TAOK3: variants seen among roughly 807,000 people sequenced by gnomAD.
TAOK3 encodes serine/threonine-protein kinase TAO3.
TAOK3 carries 40 observed loss-of-function variants against 120.4 expected under a neutral mutation model. The observed-to-expected ratio is 0.33, with a 90% CI of 0.26 to 0.43. The LOEUF (loss-of-function observed/expected upper bound fraction) is 0.43, where lower values mean the gene tolerates loss of function less well. Among genes scored for constraint, TAOK3 ranks in the 20% least tolerant of loss-of-function variants. The probability of loss-of-function intolerance (pLI) is 1.00; values close to 1 mark genes in which losing one functional copy is unlikely to be tolerated. For synonymous variants in TAOK3, 355 were observed against 387.5 expected, an observed-to-expected ratio of 0.92 and a Z score of 0.99; for missense variants, 821 against 1,112.1, an observed-to-expected ratio of 0.74 and a Z score of 3.72.
At chr12:118,238,747 G>C (rs768709931) in intron 6 of TAOK3, among the ~76,000 whole-genome samples, 1 of 151,282 alleles carries the variant, frequency 6.6e-6, no homozygotes, top group Admixed American at 6.6e-5. Context: ...TGATCCTCCT[G>C]TCTCAGACTC....
At chr12:118,301,771 G>A (rs2042888575) in intron 1 of TAOK3, among the ~76,000 whole-genome samples, 1 of 151,340 alleles carries the variant, frequency 6.6e-6, no homozygotes, top group South Asian at 2.1e-4. Flanking sequence ...GAACCTGGGA[G>A]GCGGAAGTTG....
chr12:118,331,394 C>A (rs145863687), intron 1 of TAOK3, among the ~76,000 whole-genome samples: 4,965 of 152,136 alleles, frequency 0.033, 283 homozygotes, highest in East Asian at 0.25. Flanking sequence ...CCTGTAATCC[C>A]AGCACTTTGG....
intron 1 of TAOK3, among the ~76,000 whole-genome samples, chr12:118,331,645 CAAAAAAA>C (rs57291591): frequency 6.2e-5 from 3 of 48,018 alleles, no homozygotes; most frequent in South Asian, 8.0e-4. Context: ...ACTCTTATCT[CAAAAAAA>C]AAAAAAAAAA....
chr12:118,172,336 A>G (rs2036044679), intron 17 of TAOK3, 121 bp downstream of exon 17: 1 of 1,028,942 alleles, frequency 9.7e-7, no homozygotes, highest in African/African-American at 1.6e-5. Context: ...TGTGTTAGCC[A>G]CTGTGCTAAA....
At chr12:118,175,081 A>C (rs1484159598) in intron 16 of TAOK3, among the ~76,000 whole-genome samples, 1 of 152,220 alleles carries the variant, frequency 6.6e-6, no homozygotes, top group Non-Finnish European at 1.5e-5. Context: ...AAATGGAAAG[A>C]ATGTGAACCT....
chr12:118,320,786 TAG>T (rs1276870836), intron 1 of TAOK3, among the ~76,000 whole-genome samples: 2 of 152,324 alleles, frequency 1.3e-5, no homozygotes, highest in Admixed American at 6.5e-5. Flanking sequence ...CTGAATATTT[TAG>T]AGTCAGAGTA....
In TAOK3 at chr12:118,201,479, G is replaced by A. The variant is rs1182044643; in HGVS notation, c.820-16C>T. 1.0e-5 allele frequency: 16 copies of A among 1,584,684 alleles called. No individual in the cohort carries two copies. The highest frequency in any genetic ancestry group is 2.3e-5 in the South Asian group (2 of 86,286). ...CAAAGTCATGCTGATTGAGGGAGGA[G>A]GAAAAAATAAACTGATAATGAAGAA... On this transcript the variant is annotated splice_polypyrimidine_tract_variant and intron_variant, in intron 11 of 20. Coordinates refer to ENST00000392533, the MANE Select transcript of TAOK3 (RefSeq NM_016281.4).
intron 1 of TAOK3, among the ~76,000 whole-genome samples, chr12:118,351,154 A>C (rs963795843): frequency 2.0e-5 from 3 of 152,142 alleles, no homozygotes; most frequent in African/African-American, 4.8e-5. Flanking sequence ...ACTCCAGCCT[A>C]GGTGACAGAA....
At chr12:118,367,023 A>C (rs1293568903) in intron 1 of TAOK3, among the ~76,000 whole-genome samples, 1 of 152,184 alleles carries the variant, frequency 6.6e-6, no homozygotes, top group African/African-American at 2.4e-5. Flanking sequence ...GCACCACTGA[A>C]GTCTAGCCTG....
At chr12:118,363,517 T>C (rs2045660631) in intron 1 of TAOK3, among the ~76,000 whole-genome samples, 1 of 151,958 alleles carries the variant, frequency 6.6e-6, no homozygotes, top group South Asian at 2.1e-4. Flanking sequence ...TATTATGTAA[T>C]AAGAAAAAGT....
chr12:118,348,949 C>A lies in TAOK3; in HGVS notation c.-194+23699G>T, dbSNP rs539200219. ...TGTTGCCCAGGCTGGAGTGCAGTGG[C>A]GCGTTCTTGGCCCACTGCAACCTCT... On this transcript the variant is annotated intron_variant, in intron 1 of 20. Transcript: ENST00000392533. Among the ~76,000 whole-genome samples, 3 of 149,900 alleles carry A rather than the reference C, an allele frequency of 2.0e-5. No homozygotes were observed. In the South Asian group the frequency reaches 6.3e-4, roughly 31 times the overall value.
chr12:118,328,281 G>A (rs1166230606), intron 1 of TAOK3, among the ~76,000 whole-genome samples: 4 of 152,028 alleles, frequency 2.6e-5, no homozygotes, highest in Non-Finnish European at 5.9e-5. Context: ...GGCTGGTCTC[G>A]AACTCCTGAC....
intron 1 of TAOK3, among the ~76,000 whole-genome samples, chr12:118,285,555 G>T (rs1460888177): frequency 6.7e-6 from 1 of 149,560 alleles, no homozygotes. Flanking sequence ...TTTTCACCAT[G>T]TTGGCCAGGC....
intron 5 of TAOK3, among the ~76,000 whole-genome samples, chr12:118,242,704 C>A (rs1363883532): frequency 6.6e-6 from 1 of 151,894 alleles, no homozygotes; most frequent in Non-Finnish European, 1.5e-5. Flanking sequence ...ACTAAAAATA[C>A]AAAAAATTAG....
intron 1 of TAOK3, among the ~76,000 whole-genome samples, chr12:118,321,434 T>C (rs1257426770): frequency 2.0e-5 from 3 of 152,174 alleles, no homozygotes; most frequent in Admixed American, 6.5e-5. Context: ...CTAGTTTTCA[T>C]ATTTTTTGTA....
Position 118,310,047 on chromosome 12 carries a change from G to C in TAOK3, c.-193-43288C>G, listed in dbSNP as rs533478144. Among the ~76,000 whole-genome samples, 5 of 152,252 alleles carry C rather than the reference G, an allele frequency of 3.3e-5. No individual in the cohort carries two copies. The South Asian group carries it at 1.0e-3, about 32-fold the overall frequency. On this transcript the variant is annotated intron_variant, in intron 1 of 20. Coordinates refer to ENST00000392533, the MANE Select transcript of TAOK3 (RefSeq NM_016281.4). ...CACAGCATTTTGGGAGGCTGAGGCAGGCAGATCGCTTGAGCCCAGGAGTTT... is the reference window on the plus strand; with the variant it reads ...CACAGCATTTTGGGAGGCTGAGGCACGCAGATCGCTTGAGCCCAGGAGTTT...
chr12:118,193,560 C>T (rs2037548969), intron 13 of TAOK3, among the ~76,000 whole-genome samples: 2 of 152,138 alleles, frequency 1.3e-5, no homozygotes, highest in Admixed American at 1.3e-4. Context: ...GACCATTACA[C>T]TTCTGAAATG....
At chr12:118,251,412 T>A (rs906572019) in intron 3 of TAOK3, among the ~76,000 whole-genome samples, 6 of 152,230 alleles carry the variant, frequency 3.9e-5, no homozygotes, top group African/African-American at 1.4e-4. Flanking sequence ...CCTTTTAATC[T>A]GTTTTTTAGT....
intron 11 of TAOK3, among the ~76,000 whole-genome samples, chr12:118,202,255 C>G (rs968611524): frequency 2.0e-5 from 3 of 151,380 alleles, no homozygotes; most frequent in African/African-American, 7.3e-5. Context: ...TTTCTTTTAT[C>G]CTTTCATCCA....
Sources: allele counts gnomAD v4.1 joint callset (sites outside exome capture counted in the v4.1 genomes callset), GRCh38; gene constraint gnomAD v4.1.1; transcripts MANE v1.5; gene names NCBI Gene and HGNC (gene_info 2026-07-23, HGNC 2026-07-21).